Variants in LRFN2 observed in about 807,000 individuals in gnomAD.
The protein encoded by LRFN2 is leucine rich repeat and fibronectin type III domain containing 2, also known as leucine-rich repeat and fibronectin type-III domain-containing protein 2.
Under a neutral mutation model 37.3 loss-of-function variants are expected in LRFN2, and 18 were observed. That is an observed-to-expected ratio of 0.48 (90% CI 0.33 to 0.72). LRFN2 has a LOEUF of 0.72. Among genes scored for constraint, LRFN2 ranks in the 30% least tolerant of loss-of-function variants. The pLI, the probability that LRFN2 is intolerant of heterozygous loss-of-function variation, is 0.02. For missense variants in LRFN2, 1,006 were observed against 1,060.7 expected, an observed-to-expected ratio of 0.95 and a Z score of 0.72; for synonymous variants, 556 against 466.6, an observed-to-expected ratio of 1.19 and a Z score of -2.47.
intron 1 of LRFN2, among the ~76,000 whole-genome samples, chr6:40,463,831 C>A (rs566253749): frequency 1.3e-5 from 2 of 152,126 alleles, no homozygotes; most frequent in African/African-American, 2.4e-5. Flanking sequence ...CATGCACCAC[C>A]GTGCCCAGCT....
chr6:40,455,996 T>C (rs1764226051), intron 1 of LRFN2, among the ~76,000 whole-genome samples: 1 of 152,082 alleles, frequency 6.6e-6, no homozygotes, highest in African/African-American at 2.4e-5. Context: ...ACTAGCATGT[T>C]GTGGAGAAGG....
intron 1 of LRFN2, among the ~76,000 whole-genome samples, chr6:40,537,976 C>T (rs1424753079): frequency 6.6e-6 from 1 of 152,120 alleles, no homozygotes; most frequent in Non-Finnish European, 1.5e-5. Context: ...GCCCCATCAC[C>T]TTTCCTGTGG....
chr6:40,531,646 G>C (rs1766343465), intron 1 of LRFN2, among the ~76,000 whole-genome samples: 1 of 152,076 alleles, frequency 6.6e-6, no homozygotes, highest in Non-Finnish European at 1.5e-5. Flanking sequence ...TGTCTTATCT[G>C]TGTGCCAGTT....
intron 1 of LRFN2, among the ~76,000 whole-genome samples, chr6:40,484,703 T>C (rs1170223980): frequency 6.6e-6 from 1 of 152,188 alleles, no homozygotes; most frequent in African/African-American, 2.4e-5. Flanking sequence ...CCACCCATCA[T>C]CCAGGCCTGT....
At chr6:40,436,494 T>C (rs566932468) in intron 1 of LRFN2, among the ~76,000 whole-genome samples, 1 of 79,622 alleles carries the variant, frequency 1.3e-5, no homozygotes, top group Non-Finnish European at 2.4e-5. Flanking sequence ...AGGATATGTG[T>C]TTTTTTTTTT....
intron 1 of LRFN2, among the ~76,000 whole-genome samples, chr6:40,458,036 C>T (rs1764270242): frequency 6.6e-6 from 1 of 152,078 alleles, no homozygotes; most frequent in African/African-American, 2.4e-5. Flanking sequence ...CATTCAGGCC[C>T]ATAGTGGATT....
chr6:40,541,305 A>T (rs1476970014), intron 1 of LRFN2, among the ~76,000 whole-genome samples: 1 of 152,120 alleles, frequency 6.6e-6, no homozygotes, highest in Non-Finnish European at 1.5e-5. Context: ...CTCCCTGACC[A>T]TTCATGTGGG....
At chr6:40,575,549 T>A (rs918531325) in intron 1 of LRFN2, among the ~76,000 whole-genome samples, 1 of 152,200 alleles carries the variant, frequency 6.6e-6, no homozygotes, top group Non-Finnish European at 1.5e-5. Context: ...TCTGTGGATA[T>A]TGGGGTAAAG....
intron 1 of LRFN2, among the ~76,000 whole-genome samples, chr6:40,575,096 T>C (rs980100592): frequency 1.3e-5 from 2 of 152,072 alleles, no homozygotes; most frequent in Non-Finnish European, 2.9e-5. Flanking sequence ...CTCCTCAGGA[T>C]GGTCTACACA....
At chr6:40,499,131 T>C (rs913662454) in intron 1 of LRFN2, among the ~76,000 whole-genome samples, 2 of 152,210 alleles carry the variant, frequency 1.3e-5, no homozygotes, top group East Asian at 1.9e-4. Context: ...GAGCTGTACA[T>C]TGTCCATTCC....
At chr6:40,515,329 T>G (rs1301079463) in intron 1 of LRFN2, among the ~76,000 whole-genome samples, 1 of 152,184 alleles carries the variant, frequency 6.6e-6, no homozygotes, top group Non-Finnish European at 1.5e-5. Flanking sequence ...CTGACCTGGT[T>G]CCTGAAAACA....
chr6:40,506,760 G>A (rs1337420056), intron 1 of LRFN2, among the ~76,000 whole-genome samples: 1 of 152,162 alleles, frequency 6.6e-6, no homozygotes, highest in Non-Finnish European at 1.5e-5. Context: ...TTAAGAAGGA[G>A]CCCAGGATAG....
chr6:40,486,236 T>G (rs1764955558), intron 1 of LRFN2, among the ~76,000 whole-genome samples: 1 of 151,930 alleles, frequency 6.6e-6, no homozygotes, highest in Non-Finnish European at 1.5e-5. Flanking sequence ...GAACTGAAAT[T>G]GTGAGGTCTG....
chr6:40,460,588 C>A (rs896689224), intron 1 of LRFN2, among the ~76,000 whole-genome samples: 7 of 152,166 alleles, frequency 4.6e-5, no homozygotes, highest in Admixed American at 3.9e-4. Flanking sequence ...GCCAATTATC[C>A]CAATTACCTC....
chr6:40,534,552 C>G (rs1766414847), intron 1 of LRFN2, among the ~76,000 whole-genome samples: 1 of 152,152 alleles, frequency 6.6e-6, no homozygotes, highest in African/African-American at 2.4e-5. Context: ...AAATATGGAA[C>G]TGTCCTGTGC....
chr6:40,488,464 T>A (rs1402190550), intron 1 of LRFN2, among the ~76,000 whole-genome samples: 1 of 151,186 alleles, frequency 6.6e-6, no homozygotes, highest in Non-Finnish European at 1.5e-5. Context: ...CCTCCAAGCC[T>A]CCCTCCTGCA....
chr6:40,482,800 A>G (rs1397975472), intron 1 of LRFN2, among the ~76,000 whole-genome samples: 1 of 152,174 alleles, frequency 6.6e-6, no homozygotes, highest in Admixed American at 6.5e-5. Flanking sequence ...GGGATGGCTC[A>G]GGCTGGAGTG....
intron 1 of LRFN2, among the ~76,000 whole-genome samples, chr6:40,540,052 C>A (rs205512): frequency 6.6e-6 from 1 of 152,166 alleles, no homozygotes; most frequent in Non-Finnish European, 1.5e-5. Context: ...ACAGCCCTGG[C>A]GCCGCACAGG....
chr6:40,449,729 G>T (rs747072787), intron 1 of LRFN2, among the ~76,000 whole-genome samples: 1 of 152,128 alleles, frequency 6.6e-6, no homozygotes, highest in Middle Eastern at 3.4e-3. Context: ...AGACTCATAC[G>T]AACTTGTAAA....
Sources: gnomAD v4.1 joint callset for allele counts (sites outside exome capture counted in the v4.1 genomes callset) on GRCh38, gnomAD v4.1.1 for gene constraint, MANE v1.5 for transcripts, NCBI Gene and HGNC (gene_info 2026-07-23, HGNC 2026-07-21) for gene names.